GUCY2F: variants seen among roughly 807,000 people sequenced by gnomAD.
GUCY2F encodes the protein guanylate cyclase 2F, retinal.
A neutral mutation model predicts 73.1 loss-of-function variants in GUCY2F; 61 were observed. The observed-to-expected ratio is 0.83, with a 90% CI of 0.68 to 1.03. The LOEUF is 1.03. GUCY2F is among the 50% of genes least tolerant of loss of function. The pLI is 0.00. For synonymous variants in GUCY2F, 331 were observed against 307.8 expected (o/e 1.08, Z -0.79); for missense variants, 912 against 854.3 (o/e 1.07, Z -0.84).
intron 5 of GUCY2F, among the ~76,000 whole-genome samples, chrX:109,449,106 A>G (rs1248923894): frequency 1.8e-5 from 2 of 111,297 alleles, no homozygotes; most frequent in African/African-American, 6.5e-5. Flanking sequence ...TGCTTTTTCC[A>G]TAACCCCATA....
chrX:109,468,868 G>A (rs924163559), intron 2 of GUCY2F, among the ~76,000 whole-genome samples: 1 of 111,889 alleles, frequency 8.9e-6, no homozygotes, highest in African/African-American at 3.2e-5. Flanking sequence ...AGTGCTTCGT[G>A]AACAGGGATT....
At chrX:109,415,831 A>T (rs1423005781) in intron 8 of GUCY2F, among the ~76,000 whole-genome samples, 4 of 112,317 alleles carry the variant, frequency 3.6e-5, no homozygotes, top group Non-Finnish European at 7.5e-5. Context: ...CCATTTATTT[A>T]CATAAAATAT....
At chrX:109,473,820 G>C (rs1932622868) in intron 2 of GUCY2F, among the ~76,000 whole-genome samples, 1 of 112,115 alleles carries the variant, frequency 8.9e-6, no homozygotes, top group Admixed American at 9.4e-5. Flanking sequence ...ACTTGCAGGA[G>C]ACATTGGGCT....
chrX:109,422,104 G>T (rs937864634), intron 8 of GUCY2F, among the ~76,000 whole-genome samples: 18 of 111,646 alleles, frequency 1.6e-4, no homozygotes, highest in Non-Finnish European at 3.0e-4. Flanking sequence ...GAGGACAAAT[G>T]AACTTTCCGG....
At chrX:109,455,064 G>C (rs1428361138) in intron 3 of GUCY2F, among the ~76,000 whole-genome samples, 2 of 111,458 alleles carry the variant, frequency 1.8e-5, no homozygotes, top group Non-Finnish European at 3.8e-5. Context: ...ATGTAGAGTG[G>C]GAGTTTTCAA....
chrX:109,476,071 T>A, intron 1 of GUCY2F, 50 bp from the exon 2 acceptor site: 1 of 473,841 alleles, frequency 2.1e-6, no homozygotes, highest in Non-Finnish European at 3.2e-6. Context: ...CTGAAGCTTC[T>A]GGAAATCATC....
Position 109,463,017 on chromosome X carries a change from G to A in GUCY2F, c.1032+2125C>T, listed in dbSNP as rs754316980. Among the ~76,000 whole-genome samples, 44 of 111,648 alleles carry A rather than the reference G, an allele frequency of 3.9e-4. 1 individual carries two copies. Among genetic ancestry groups the A allele is most frequent in the African/African-American group, 1.3e-3 (39 of 30,669 alleles). On this transcript the variant is annotated intron_variant, in intron 3 of 19. Transcript: ENST00000218006. Reference sequence around the variant, plus strand: ...TTATAAACTTATCAGTAACAATAAAGTCCAAATCCAGCATTGTTAATATCT... The same window carrying A: ...TTATAAACTTATCAGTAACAATAAAATCCAAATCCAGCATTGTTAATATCT...
chrX:109,431,970 G>T (rs1056204087), intron 7 of GUCY2F, among the ~76,000 whole-genome samples: 24 of 110,073 alleles, frequency 2.2e-4, no homozygotes, highest in Non-Finnish European at 4.2e-4. Context: ...AGTTCAGAAG[G>T]GTAGTACCGG....
chrX:109,445,209 A>T (rs1349610781), intron 6 of GUCY2F, among the ~76,000 whole-genome samples: 1 of 112,266 alleles, frequency 8.9e-6, no homozygotes, highest in Non-Finnish European at 1.9e-5. Context: ...CAATTACATT[A>T]CAATCACAAC....
At chrX:109,454,166 A>G (rs1932206454) in intron 3 of GUCY2F, among the ~76,000 whole-genome samples, 1 of 112,158 alleles carries the variant, frequency 8.9e-6, no homozygotes, top group Non-Finnish European at 1.9e-5. Flanking sequence ...TATAAAGGGC[A>G]CTTAAGAAAA....
chrX:109,449,815 C>T (rs886341649), intron 5 of GUCY2F, among the ~76,000 whole-genome samples: 2 of 111,324 alleles, frequency 1.8e-5, no homozygotes, highest in African/African-American at 6.5e-5. Flanking sequence ...TATAGAAAGG[C>T]GATGCAATCT....
intron 7 of GUCY2F, among the ~76,000 whole-genome samples, chrX:109,434,594 G>T (rs1017325617): frequency 1.6e-4 from 18 of 109,960 alleles, no homozygotes; most frequent in South Asian, 1.6e-3. Context: ...CACTCTGATG[G>T]TAGTTTCTTT....
intron 3 of GUCY2F, among the ~76,000 whole-genome samples, chrX:109,458,655 G>A (rs1482628306): frequency 9.1e-6 from 1 of 110,459 alleles, no homozygotes; most frequent in Non-Finnish European, 1.9e-5. Flanking sequence ...CTTCATTGGG[G>A]GAAAGATCTC....
At chrX:109,377,080 A>G (rs1420309549) in intron 17 of GUCY2F, among the ~76,000 whole-genome samples, 1 of 112,224 alleles carries the variant, frequency 8.9e-6, no homozygotes, top group Non-Finnish European at 1.9e-5. Flanking sequence ...TTACCCCTTT[A>G]AATATCAAGT....
In GUCY2F at chrX:109,470,471, G is replaced by A. The variant is rs150466107; in HGVS notation, c.730+4736C>T. The stretch of plus-strand genomic sequence containing the variant: ...GGAAAACAGGGCTGACACCTGGTAC[G>A]TTGAGGCACATAAAAGAATTGTATC... On this transcript the variant is annotated intron_variant, in intron 2 of 19. Coordinates refer to ENST00000218006, the MANE Select transcript of GUCY2F (RefSeq NM_001522.3). 4.9e-3 allele frequency among the ~76,000 whole-genome samples: 543 copies of A among 111,827 alleles called. 10 individuals are homozygous for A. The highest frequency in any genetic ancestry group is 0.016 in the African/African-American group (507 of 30,743).
At chrX:109,476,098 CAAAA>C in intron 1 of GUCY2F, 77 bp from the exon 2 acceptor site, 55 of 284,888 alleles carry the variant, frequency 1.9e-4, no homozygotes, top group South Asian at 5.4e-4. Flanking sequence ...GAAAGAATGG[CAAAA>C]AAAAAAAAAA....
intron 8 of GUCY2F, among the ~76,000 whole-genome samples, chrX:109,413,899 C>T (rs762934999): frequency 4.7e-4 from 52 of 111,092 alleles, no homozygotes; most frequent in Non-Finnish European, 9.3e-4. Context: ...AGTGCTCACC[C>T]GCAGCTATAT....
rs760288712 is a variant in GUCY2F at position 109,434,646 on chromosome X, C to G, written c.1702-4250G>C. Among the ~76,000 whole-genome samples the G allele has an allele frequency of 9.1e-5, 10 of 109,869 alleles. No individual in the cohort carries two copies. In the South Asian group the frequency reaches 1.6e-3, roughly 17 times the overall value. On this transcript the variant is annotated intron_variant, in intron 7 of 19. Transcript: ENST00000218006. Reference sequence around the variant, plus strand: ...TTTAGTTTAATTAGATCCCATTTGTCAATTTTGGCTTTTGTTGCCATTGCT... The same window carrying G: ...TTTAGTTTAATTAGATCCCATTTGTGAATTTTGGCTTTTGTTGCCATTGCT...
At position 109,465,168 on chromosome X, in the gene GUCY2F, T is replaced by C. The variant is rs752582813; in HGVS notation, c.1006A>G (p.Ile336Val). The C allele has an allele frequency of 3.3e-6, 4 of 1,209,982 alleles. No individual in the cohort carries two copies. In the Middle Eastern group the frequency reaches 6.9e-4, roughly 209 times the overall value. The change falls in exon 3 of 20, where the codon ATT (isoleucine) becomes GTT (valine). Residue 336 changes from isoleucine to valine, a missense_variant. Physicochemically the swap from Ile to Val is conservative, Grantham distance 29 (BLOSUM62 3). Coordinates refer to ENST00000218006, the MANE Select transcript of GUCY2F (RefSeq NM_001522.3). Reference sequence around the variant, plus strand: ...TGATCGAACTCCAGCTTCTCAGGAATTTCACCTCTTGCTGCTGCCTCTGTG... The same window carrying C: ...TGATCGAACTCCAGCTTCTCAGGAACTTCACCTCTTGCTGCTGCCTCTGTG... ...AFTEAAARGE[I>V]PEKLEFDQVS...
Sources: gnomAD v4.1 joint callset for allele counts (sites outside exome capture counted in the v4.1 genomes callset) on GRCh38, gnomAD v4.1.1 for gene constraint, MANE v1.5 for transcripts, NCBI Gene and HGNC (gene_info 2026-07-23, HGNC 2026-07-21) for gene names.